The following CAMK1D variants were observed in gnomAD, a reference collection of about 807,000 sequenced individuals.
The protein encoded by CAMK1D is calcium/calmodulin dependent protein kinase ID.
A neutral mutation model predicts 47.7 loss-of-function variants in CAMK1D; 9 were observed. That is an observed-to-expected ratio of 0.19 (90% confidence interval 0.11 to 0.33). The LOEUF is 0.33. Among genes scored for constraint, CAMK1D ranks in the 10% least tolerant of loss-of-function variants. CAMK1D has a pLI of 1.00. For synonymous variants in CAMK1D, 184 were observed against 184.9 expected, an observed-to-expected ratio of 0.99 and a Z score of 0.04; for missense variants, 291 against 488.7, an observed-to-expected ratio of 0.60 and a Z score of 3.81.
At chr10:12,538,130 C>T (rs929904320) in intron 1 of CAMK1D, among the ~76,000 whole-genome samples, 2 of 152,234 alleles carry the variant, frequency 1.3e-5, no homozygotes, top group Non-Finnish European at 2.9e-5. Flanking sequence ...AAGGCACCGT[C>T]AGCCACTAGC....
At chr10:12,590,140 C>T (rs564915931) in intron 2 of CAMK1D, among the ~76,000 whole-genome samples, 3 of 152,316 alleles carry the variant, frequency 2.0e-5, no homozygotes, top group Non-Finnish European at 4.4e-5. Flanking sequence ...TCACTGAATA[C>T]TTTATTTCTT....
rs1327975999 is a variant in CAMK1D, at chr10:12,351,780, G to A, written c.92+1870G>A. 2.6e-5 allele frequency among the ~76,000 whole-genome samples: 4 copies of A among 152,196 alleles called. No homozygotes were observed. In the East Asian group the frequency reaches 7.7e-4, roughly 29 times the overall value. On this transcript the variant is annotated intron_variant, in intron 1 of 10. Transcript: ENST00000619168. Reference sequence around the variant, plus strand: ...GCCAGAGCGCTTCTCTGGCAGAACAGCCTCTTGGACTCCAGCCATGTTCCC... The same window carrying A: ...GCCAGAGCGCTTCTCTGGCAGAACAACCTCTTGGACTCCAGCCATGTTCCC...
intron 2 of CAMK1D, among the ~76,000 whole-genome samples, chr10:12,600,377 T>C (rs1421653912): frequency 1.3e-5 from 2 of 152,198 alleles, no homozygotes; most frequent in Non-Finnish European, 2.9e-5. Flanking sequence ...TCAAGCTTTA[T>C]GTTGCCAGGC....
At chr10:12,748,532 T>C (rs1229804066) in intron 3 of CAMK1D, among the ~76,000 whole-genome samples, 1 of 152,130 alleles carries the variant, frequency 6.6e-6, no homozygotes, top group Non-Finnish European at 1.5e-5. Context: ...TTCTGGAATG[T>C]GAATAAAAAC....
intron 1 of CAMK1D, among the ~76,000 whole-genome samples, chr10:12,352,092 C>T (rs901514633): frequency 2.0e-5 from 3 of 152,110 alleles, no homozygotes; most frequent in African/African-American, 7.2e-5. Flanking sequence ...TACCATTACA[C>T]CCAATTTGCA....
chr10:12,808,824 G>A (rs1832479254), intron 6 of CAMK1D, among the ~76,000 whole-genome samples: 1 of 151,736 alleles, frequency 6.6e-6, no homozygotes, highest in Non-Finnish European at 1.5e-5. Flanking sequence ...AATACTATAA[G>A]ATCCATACAG....
At chr10:12,410,232 T>C (rs1839607734) in intron 1 of CAMK1D, among the ~76,000 whole-genome samples, 1 of 152,224 alleles carries the variant, frequency 6.6e-6, no homozygotes, top group Non-Finnish European at 1.5e-5. Flanking sequence ...TTGAACAAGA[T>C]GATGGTGGTT....
chr10:12,421,145 G>A (rs554597124), intron 1 of CAMK1D, among the ~76,000 whole-genome samples: 71 of 152,282 alleles, frequency 4.7e-4, no homozygotes, highest in African/African-American at 1.6e-3. Flanking sequence ...TCTAAGACTA[G>A]GCGGGTGTAA....
intron 1 of CAMK1D, among the ~76,000 whole-genome samples, chr10:12,528,678 T>C (rs1384191422): frequency 6.6e-6 from 1 of 151,486 alleles, no homozygotes; most frequent in Non-Finnish European, 1.5e-5. Context: ...GATTTGTGAG[T>C]GTCAGATGTT....
At chr10:12,648,557 G>A (rs1158971713) in intron 2 of CAMK1D, among the ~76,000 whole-genome samples, 1 of 152,006 alleles carries the variant, frequency 6.6e-6, no homozygotes, top group Non-Finnish European at 1.5e-5. Context: ...TGCAACCTCC[G>A]CCCCCCAGAT....
At chr10:12,531,411 A>G (rs190703474) in intron 1 of CAMK1D, among the ~76,000 whole-genome samples, 9 of 152,332 alleles carry the variant, frequency 5.9e-5, no homozygotes, top group Admixed American at 3.3e-4. Context: ...GAAATTACCA[A>G]CGTCAGAAGG....
At chr10:12,786,305 C>T (rs1424736267) in intron 5 of CAMK1D, among the ~76,000 whole-genome samples, 38 of 152,176 alleles carry the variant, frequency 2.5e-4, no homozygotes, top group Admixed American at 2.5e-3. Context: ...CACCAGAAGA[C>T]AAATAGTTTA....
intron 2 of CAMK1D, among the ~76,000 whole-genome samples, chr10:12,571,464 A>G (rs887911803): frequency 1.3e-5 from 2 of 149,258 alleles, no homozygotes; most frequent in East Asian, 1.9e-4. Context: ...AAAAAAAAAA[A>G]AAAAAAAGAA....
intron 2 of CAMK1D, among the ~76,000 whole-genome samples, chr10:12,664,456 G>A (rs925508911): frequency 2.6e-5 from 4 of 151,682 alleles, no homozygotes; most frequent in African/African-American, 4.8e-5. Flanking sequence ...TCTCTATCCC[G>A]TGTATCAAAG....
chr10:12,782,891 G>A, intron 5 of CAMK1D, among the ~76,000 whole-genome samples: 1 of 152,206 alleles, frequency 6.6e-6, no homozygotes, highest in East Asian at 1.9e-4. Flanking sequence ...GTTTACTGTG[G>A]CACAGAGCCC....
chr10:12,481,138 G>T (rs929151115), intron 1 of CAMK1D, among the ~76,000 whole-genome samples: 1 of 152,168 alleles, frequency 6.6e-6, no homozygotes, highest in East Asian at 1.9e-4. Context: ...ATTGTTACCA[G>T]CCATTATTCC....
At chr10:12,584,921 A>G (rs1837771301) in intron 2 of CAMK1D, among the ~76,000 whole-genome samples, 1 of 152,196 alleles carries the variant, frequency 6.6e-6, no homozygotes, top group Non-Finnish European at 1.5e-5. Context: ...ATTGCTTCCT[A>G]ATACAAACAT....
At chr10:12,587,983 A>G (rs190288411) in intron 2 of CAMK1D, among the ~76,000 whole-genome samples, 353 of 152,220 alleles carry the variant, frequency 2.3e-3, no homozygotes, top group Non-Finnish European at 3.9e-3. Flanking sequence ...TTAAGGATAT[A>G]TGTACATGCA....
At chr10:12,610,326 A>G (rs769773277) in intron 2 of CAMK1D, among the ~76,000 whole-genome samples, 16 of 152,226 alleles carry the variant, frequency 1.1e-4, no homozygotes, top group Non-Finnish European at 7.4e-5. Context: ...TCATTTAAAC[A>G]GTGTGGTAAT....
Sources: allele counts gnomAD v4.1 joint callset (sites outside exome capture counted in the v4.1 genomes callset), GRCh38; gene constraint gnomAD v4.1.1; transcripts MANE v1.5; gene names NCBI Gene and HGNC (gene_info 2026-07-23, HGNC 2026-07-21).